The following GABRG3 variants were observed in gnomAD, a reference collection of about 807,000 sequenced individuals.
GABRG3 encodes gamma-aminobutyric acid type A receptor subunit gamma3, also known as gamma-aminobutyric acid receptor subunit gamma-3.
GABRG3 carries 25 observed loss-of-function variants against 48.8 expected under a neutral mutation model. The observed-to-expected ratio is 0.51, with a 90% CI of 0.37 to 0.72. The LOEUF (loss-of-function observed/expected upper bound fraction) is 0.72, where lower values mean the gene tolerates loss of function less well. Ranked by LOEUF, GABRG3 falls within the 30% of genes least tolerant of loss-of-function variation. The probability of loss-of-function intolerance (pLI) is 0.00; values close to 1 mark genes in which losing one functional copy is unlikely to be tolerated. For missense variants in GABRG3, 394 were observed against 577.9 expected (o/e 0.68, Z 3.26); for synonymous variants, 227 against 217.6 (o/e 1.04, Z -0.38).
At position 27,534,443 on chromosome 15, in the gene GABRG3, C is replaced by T. The variant is rs1243286837; in HGVS notation, c.*1562C>T. The T allele has an allele frequency of 6.6e-6, 1 of 152,176 alleles. No individual in the cohort carries two copies. Among genetic ancestry groups the T allele is most frequent in the African/African-American group, 2.4e-5 (1 of 41,436 alleles). The allele number at this position is 152,176 out of a possible 1,614,324, so 9.4% of individuals were successfully genotyped here. A position where few individuals can be genotyped will look rare whatever the true frequency, so the allele number is the denominator to read the frequency against. On this transcript the variant is annotated 3_prime_UTR_variant, in exon 10 of 10. Coordinates refer to ENST00000615808, the MANE Select transcript of GABRG3 (RefSeq NM_033223.5). ...TGCAGAAGACTGTTTTGAAACTTCT[C>T]CTCACCAATAGGCAAAACACAAGTC... is the stretch of plus-strand genomic sequence containing the variant.
At chr15:27,333,706 C>G (rs1389825118) in intron 5 of GABRG3, among the ~76,000 whole-genome samples, 1 of 152,194 alleles carries the variant, frequency 6.6e-6, no homozygotes, top group African/African-American at 2.4e-5. Context: ...GTACTAGTCA[C>G]TCAGAGCATT....
chr15:27,053,371 A>C (rs1336411955), intron 3 of GABRG3, among the ~76,000 whole-genome samples: 1 of 152,256 alleles, frequency 6.6e-6, no homozygotes, highest in African/African-American at 2.4e-5. Flanking sequence ...ACAAGTGACC[A>C]ACAAATGAAA....
intron 3 of GABRG3, among the ~76,000 whole-genome samples, chr15:27,098,519 A>G (rs1377398495): frequency 6.6e-6 from 1 of 152,160 alleles, no homozygotes; most frequent in African/African-American, 2.4e-5. Context: ...TCCTTTTTTT[A>G]AAGCCAACTT....
chr15:27,244,889 A>C (rs978779855), intron 3 of GABRG3, among the ~76,000 whole-genome samples: 5 of 152,192 alleles, frequency 3.3e-5, no homozygotes, highest in South Asian at 2.1e-4. Flanking sequence ...TGAAAATTAA[A>C]ATTTCATTTT....
intron 3 of GABRG3, among the ~76,000 whole-genome samples, chr15:27,108,316 G>A (rs1897486271): frequency 6.6e-6 from 1 of 152,046 alleles, no homozygotes; most frequent in African/African-American, 2.4e-5. Context: ...ATGGGTTATT[G>A]CAGAGTATGT....
At chr15:27,253,295 G>A (rs1890518126) in intron 3 of GABRG3, among the ~76,000 whole-genome samples, 1 of 152,198 alleles carries the variant, frequency 6.6e-6, no homozygotes, top group African/African-American at 2.4e-5. Flanking sequence ...GGCCAGAGCA[G>A]CTCCACACCC....
intron 3 of GABRG3, among the ~76,000 whole-genome samples, chr15:27,254,970 G>A (rs74004755): frequency 0.11 from 16,289 of 152,044 alleles, 1,017 homozygotes; most frequent in African/African-American, 0.15. Flanking sequence ...AACCACAGCC[G>A]GCCCTGATAC....
At chr15:27,026,927 CACTG>C (rs1895994119) in intron 3 of GABRG3, 106 bp downstream of exon 3, 1 of 684,496 alleles carries the variant, frequency 1.5e-6, no homozygotes, top group Non-Finnish European at 2.4e-6. Context: ...TTAAAACTCA[CACTG>C]ACTTCTTAAA....
intron 3 of GABRG3, among the ~76,000 whole-genome samples, chr15:27,092,599 C>T (rs544665729): frequency 3.3e-5 from 5 of 152,250 alleles, no homozygotes; most frequent in South Asian, 4.2e-4. Context: ...TGTGAGCTGC[C>T]GTGCAGCGGA....
chr15:27,092,432 C>T (rs1172769205), intron 3 of GABRG3, among the ~76,000 whole-genome samples: 1 of 152,222 alleles, frequency 6.6e-6, no homozygotes, highest in Non-Finnish European at 1.5e-5. Flanking sequence ...CTCCCACTGT[C>T]TGAGACCTCA....
chr15:27,347,633 A>G (rs966390828), intron 5 of GABRG3, among the ~76,000 whole-genome samples: 15 of 152,200 alleles, frequency 9.9e-5, no homozygotes, highest in African/African-American at 3.6e-4. Context: ...CAGAGAAAAT[A>G]TGGGATCTTT....
intron 3 of GABRG3, among the ~76,000 whole-genome samples, chr15:27,137,324 C>T (rs571866263): frequency 5.3e-5 from 8 of 152,282 alleles, no homozygotes; most frequent in South Asian, 4.1e-4. Flanking sequence ...TGGCCTAGCA[C>T]GTGGTGGGTG....
chr15:27,452,227 T>A (rs1341738855), intron 5 of GABRG3, among the ~76,000 whole-genome samples: 2 of 152,178 alleles, frequency 1.3e-5, no homozygotes, highest in Non-Finnish European at 2.9e-5. Flanking sequence ...AGGCAAAAGA[T>A]AACAAGTGTT....
chr15:27,278,687 C>T (rs1310713931), intron 3 of GABRG3, among the ~76,000 whole-genome samples: 1 of 152,158 alleles, frequency 6.6e-6, no homozygotes, highest in African/African-American at 2.4e-5. Context: ...GTTTGTTTAA[C>T]CACTCACTCC....
At chr15:27,033,616 A>G (rs1896125539) in intron 3 of GABRG3, among the ~76,000 whole-genome samples, 1 of 152,126 alleles carries the variant, frequency 6.6e-6, no homozygotes, top group African/African-American at 2.4e-5. Flanking sequence ...ACACTAAAGG[A>G]TACGAATTAT....
At chr15:27,270,126 TAGAGTAATATAAAA>T (rs1221956088) in intron 3 of GABRG3, among the ~76,000 whole-genome samples, 3 of 152,170 alleles carry the variant, frequency 2.0e-5, no homozygotes, top group African/African-American at 7.2e-5. Flanking sequence ...TAGCAGGGTG[TAGAGTAATATAAAA>T]ATGGTGACAA....
intron 3 of GABRG3, among the ~76,000 whole-genome samples, chr15:27,028,546 C>T (rs1896023938): frequency 1.3e-5 from 2 of 152,274 alleles, no homozygotes; most frequent in Admixed American, 1.3e-4. Flanking sequence ...GTGGCTCACG[C>T]CTGTAATCCC....
intron 3 of GABRG3, among the ~76,000 whole-genome samples, chr15:27,065,799 T>G (rs1896728630): frequency 6.6e-6 from 1 of 152,164 alleles, no homozygotes; most frequent in Non-Finnish European, 1.5e-5. Flanking sequence ...TGAAAAATAA[T>G]GGAAAAATAA....
intron 3 of GABRG3, among the ~76,000 whole-genome samples, chr15:27,072,390 T>C (rs1397905044): frequency 6.6e-6 from 1 of 152,174 alleles, no homozygotes; most frequent in Non-Finnish European, 1.5e-5. Context: ...ATTTCCTTTT[T>C]CCTTCATTCC....
Sources: allele counts gnomAD v4.1 joint callset (sites outside exome capture counted in the v4.1 genomes callset), GRCh38; gene constraint gnomAD v4.1.1; transcripts MANE v1.5; gene names NCBI Gene and HGNC (gene_info 2026-07-23, HGNC 2026-07-21).